The following RGL1 variants were observed in gnomAD, a reference collection of about 807,000 sequenced individuals.
RGL1 encodes the protein ral guanine nucleotide dissociation stimulator like 1.
Under a neutral mutation model 95.2 loss-of-function variants are expected in RGL1, and 24 were observed. The observed-to-expected ratio is 0.25, with a 90% CI of 0.18 to 0.35. RGL1 has a LOEUF of 0.35. RGL1 is among the 10% of genes least tolerant of loss of function. The pLI is 1.00. For synonymous variants in RGL1, 329 were observed against 344.9 expected, an observed-to-expected ratio of 0.95 and a Z score of 0.51; for missense variants, 715 against 936.3, an observed-to-expected ratio of 0.76 and a Z score of 3.08.
chr1:183,686,779 C>A (rs1452889194), intron 1 of RGL1, among the ~76,000 whole-genome samples: 1 of 152,098 alleles, frequency 6.6e-6, no homozygotes, highest in African/African-American at 2.4e-5. Context: ...ATCTTTAGCC[C>A]TGCCTTCCCC....
At chr1:183,827,320 CT>C (rs11349396) in intron 2 of RGL1, among the ~76,000 whole-genome samples, 138,502 of 152,214 alleles carry the variant, frequency 0.91, 63,466 homozygotes, top group Non-Finnish European at 0.98. Context: ...GTTTTGCCTC[CT>C]TTTTTTTCCA....
intron 2 of RGL1, among the ~76,000 whole-genome samples, chr1:183,756,109 TC>T (rs1316746816): frequency 6.6e-6 from 1 of 151,984 alleles, no homozygotes; most frequent in Non-Finnish European, 1.5e-5. Flanking sequence ...GGTCTTGAAC[TC>T]CTGCCCTCAG....
chr1:183,901,352 T>A (rs1231094934), intron 11 of RGL1, among the ~76,000 whole-genome samples: 2 of 152,050 alleles, frequency 1.3e-5, no homozygotes, highest in African/African-American at 4.8e-5. Context: ...CCGGTCATGG[T>A]GGCAGGTGCC....
At chr1:183,907,522 TC>T (rs1329773038) in intron 14 of RGL1, among the ~76,000 whole-genome samples, 1 of 152,220 alleles carries the variant, frequency 6.6e-6, no homozygotes, top group Non-Finnish European at 1.5e-5. Context: ...CCTGCAGACT[TC>T]CCTCTCTTAC....
At chr1:183,720,893 G>A (rs557525856) in intron 1 of RGL1, among the ~76,000 whole-genome samples, 3 of 152,322 alleles carry the variant, frequency 2.0e-5, no homozygotes, top group African/African-American at 7.2e-5. Flanking sequence ...TACTGAGCAA[G>A]GGAAAGTGTC....
chr1:183,813,848 C>T (rs1312299258), intron 2 of RGL1, among the ~76,000 whole-genome samples: 1 of 152,132 alleles, frequency 6.6e-6, no homozygotes, highest in Non-Finnish European at 1.5e-5. Flanking sequence ...AGAATGCTTC[C>T]CTAGTTTACT....
At chr1:183,650,521 T>C (rs1290660591) in intron 1 of RGL1, among the ~76,000 whole-genome samples, 7 of 152,120 alleles carry the variant, frequency 4.6e-5, no homozygotes, top group Admixed American at 3.9e-4. Flanking sequence ...CCAGCCTGGG[T>C]GACAGAGCGA....
intron 2 of RGL1, among the ~76,000 whole-genome samples, chr1:183,770,216 G>C (rs546495254): frequency 1.3e-5 from 2 of 152,292 alleles, no homozygotes; most frequent in South Asian, 2.1e-4. Context: ...AGATCCTGCT[G>C]TCTGTTACCC....
chr1:183,707,624 C>T (rs1046332108), intron 1 of RGL1, among the ~76,000 whole-genome samples: 1 of 151,598 alleles, frequency 6.6e-6, no homozygotes, highest in East Asian at 1.9e-4. Flanking sequence ...CGTAAGGTGG[C>T]GGGATGAATT....
At chr1:183,805,961 C>CT (rs1290429659) in intron 1 of RGL1, among the ~76,000 whole-genome samples, 4 of 43,338 alleles carry the variant, frequency 9.2e-5, no homozygotes, top group East Asian at 1.1e-3. Context: ...TTTTCTTTTT[C>CT]TTTTCTTTTC....
At chr1:183,765,899 A>G (rs2102317173) in intron 2 of RGL1, among the ~76,000 whole-genome samples, 1 of 152,302 alleles carries the variant, frequency 6.6e-6, no homozygotes, top group Middle Eastern at 3.4e-3. Context: ...TACTAATAAC[A>G]TATTGAGACA....
chr1:183,882,019 G>C (rs1456615498), intron 5 of RGL1, among the ~76,000 whole-genome samples: 1 of 152,266 alleles, frequency 6.6e-6, no homozygotes, highest in Non-Finnish European at 1.5e-5. Context: ...CACAGGGACT[G>C]CAAGGCAGAG....
intron 4 of RGL1, among the ~76,000 whole-genome samples, chr1:183,878,170 A>G (rs1666624023): frequency 6.6e-6 from 1 of 151,792 alleles, no homozygotes; most frequent in African/African-American, 2.4e-5. Flanking sequence ...CTATCTATCT[A>G]TCTATCTATC....
intron 1 of RGL1, among the ~76,000 whole-genome samples, chr1:183,663,828 G>A (rs1353052810): frequency 6.6e-6 from 1 of 150,894 alleles, no homozygotes; most frequent in Non-Finnish European, 1.5e-5. Context: ...GTCCAACAAC[G>A]ATAGACTGGA....
chr1:183,900,310 C>CT, intron 11 of RGL1, 74 bp downstream of exon 11: 17 of 1,208,790 alleles, frequency 1.4e-5, no homozygotes, highest in Non-Finnish European at 2.0e-5. Flanking sequence ...GTTAACTTCT[C>CT]TTAGTATCTT....
At chr1:183,877,377 T>C (rs1051435373) in intron 4 of RGL1, among the ~76,000 whole-genome samples, 2 of 152,250 alleles carry the variant, frequency 1.3e-5, no homozygotes, top group African/African-American at 4.8e-5. Flanking sequence ...CTGTTTTTCT[T>C]TTCATCATTA....
At chr1:183,911,723 T>C (rs971714659) in intron 14 of RGL1, among the ~76,000 whole-genome samples, 10 of 152,216 alleles carry the variant, frequency 6.6e-5, no homozygotes, top group Non-Finnish European at 1.5e-4. Flanking sequence ...AGCAGTGCCA[T>C]CCCTTCTTTG....
chr1:183,863,434 G>T (rs1665639469), intron 3 of RGL1, among the ~76,000 whole-genome samples: 1 of 152,080 alleles, frequency 6.6e-6, no homozygotes, highest in Non-Finnish European at 1.5e-5. Context: ...CTCTTGAGTA[G>T]CTGGGATTGC....
intron 4 of RGL1, among the ~76,000 whole-genome samples, chr1:183,877,245 C>T (rs115432952): frequency 0.012 from 1,821 of 152,282 alleles, 33 homozygotes; most frequent in African/African-American, 0.035. Flanking sequence ...GACTTCAAAC[C>T]AGAATTTCCC....
Sources: gnomAD v4.1 joint callset for allele counts (sites outside exome capture counted in the v4.1 genomes callset) on GRCh38, gnomAD v4.1.1 for gene constraint, MANE v1.5 for transcripts, NCBI Gene and HGNC (gene_info 2026-07-23, HGNC 2026-07-21) for gene names.